The following TTC28 variants were observed in gnomAD, a reference collection of about 807,000 sequenced individuals.
The protein encoded by TTC28 is tetratricopeptide repeat domain 28, also known as tetratricopeptide repeat protein 28.
Under a neutral mutation model 198.0 loss-of-function variants are expected in TTC28, and 61 were observed. That is an observed-to-expected ratio of 0.31 (90% confidence interval 0.25 to 0.38). The LOEUF is 0.38. Among genes scored for constraint, TTC28 ranks in the 10% least tolerant of loss-of-function variants. The probability of loss-of-function intolerance (pLI) is 1.00; values close to 1 mark genes in which losing one functional copy is unlikely to be tolerated. For synonymous variants in TTC28, 1,171 were observed against 1,297.8 expected, an observed-to-expected ratio of 0.90 and a Z score of 2.10; for missense variants, 2,678 against 3,164.0, an observed-to-expected ratio of 0.85 and a Z score of 3.69.
intron 2 of TTC28, among the ~76,000 whole-genome samples, chr22:28,525,636 A>G (rs571768589): frequency 8.4e-4 from 128 of 152,218 alleles, no homozygotes; most frequent in Non-Finnish European, 1.5e-3. Context: ...CTGGTTATCT[A>G]TACTCCATGA....
intron 13 of TTC28, among the ~76,000 whole-genome samples, chr22:28,029,940 G>C (rs1031364266): frequency 6.6e-6 from 1 of 152,244 alleles, no homozygotes; most frequent in Non-Finnish European, 1.5e-5. Flanking sequence ...AGTCAGCTCT[G>C]AGGCTATGTG....
intron 5 of TTC28, among the ~76,000 whole-genome samples, chr22:28,282,442 CT>C (rs1419075497): frequency 6.6e-6 from 1 of 152,170 alleles, no homozygotes; most frequent in African/African-American, 2.4e-5. Flanking sequence ...AAAAAATTTC[CT>C]GTGCTGTCGA....
intron 5 of TTC28, among the ~76,000 whole-genome samples, chr22:28,204,369 T>C (rs1315212862): frequency 3.9e-5 from 6 of 152,170 alleles, no homozygotes; most frequent in Admixed American, 3.9e-4. Context: ...TATCTCTGTC[T>C]AAACGGTAAT....
intron 5 of TTC28, among the ~76,000 whole-genome samples, chr22:28,179,171 T>G (rs1016280972): frequency 2.0e-5 from 3 of 151,718 alleles, no homozygotes; most frequent in Admixed American, 2.0e-4. Context: ...TTTTGTTTTT[T>G]TTTTTTTGAC....
intron 14 of TTC28, among the ~76,000 whole-genome samples, chr22:28,003,870 T>C (rs1937815466): frequency 6.6e-6 from 1 of 152,198 alleles, no homozygotes; most frequent in African/African-American, 2.4e-5. Flanking sequence ...TGTGGCCCTA[T>C]TGTCAGAAGT....
At chr22:28,172,423 G>GAT (rs1922769566) in intron 5 of TTC28, among the ~76,000 whole-genome samples, 1 of 152,174 alleles carries the variant, frequency 6.6e-6, no homozygotes, top group Non-Finnish European at 1.5e-5. Flanking sequence ...GCATAGGATG[G>GAT]ATTTATAAGT....
chr22:28,136,976 A>G (rs900924869), intron 6 of TTC28, among the ~76,000 whole-genome samples: 2 of 152,212 alleles, frequency 1.3e-5, no homozygotes, highest in African/African-American at 4.8e-5. Context: ...GAAAACAAGT[A>G]TAAAACTACT....
At chr22:28,217,490 G>A (rs1281868584) in intron 5 of TTC28, among the ~76,000 whole-genome samples, 1 of 152,160 alleles carries the variant, frequency 6.6e-6, no homozygotes. Context: ...CTAATATCAG[G>A]AAATTTATTT....
intron 12 of TTC28, among the ~76,000 whole-genome samples, chr22:28,063,408 A>C (rs757229140): frequency 6.6e-6 from 1 of 152,208 alleles, no homozygotes; most frequent in Admixed American, 6.5e-5. Flanking sequence ...TAAAAGCCAT[A>C]AGAATGGTAA....
At chr22:28,325,459 AAC>A (rs1676892085) in intron 2 of TTC28, among the ~76,000 whole-genome samples, 2 of 152,154 alleles carry the variant, frequency 1.3e-5, no homozygotes, top group Non-Finnish European at 2.9e-5. Context: ...TTAACACTGA[AAC>A]ACAGTCCATA....
intron 1 of TTC28, among the ~76,000 whole-genome samples, chr22:28,640,581 A>ATAG (rs1039087990): frequency 6.6e-6 from 1 of 150,966 alleles, no homozygotes; most frequent in Non-Finnish European, 1.5e-5. Context: ...AATAATAATA[A>ATAG]TAATAATAAT....
chr22:28,511,934 C>T (rs969270256), intron 2 of TTC28, among the ~76,000 whole-genome samples: 1 of 151,594 alleles, frequency 6.6e-6, no homozygotes, highest in African/African-American at 2.4e-5. Context: ...ACACCAAAAG[C>T]AATTCCAAGT....
intron 2 of TTC28, among the ~76,000 whole-genome samples, chr22:28,513,135 A>G (rs1467919972): frequency 6.6e-6 from 1 of 152,038 alleles, no homozygotes; most frequent in Non-Finnish European, 1.5e-5. Flanking sequence ...AGCATGAGCC[A>G]CCATGCCTGG....
Position 27,981,358 on chromosome 22 carries a change from C to G in TTC28, c.*863G>C, listed in dbSNP as rs1040673954. The G allele has an allele frequency of 2.9e-5, 4 of 138,756 alleles. No individual in the cohort carries two copies. The East Asian group carries it at 9.3e-4, about 32-fold the overall frequency. 8.6% of individuals were successfully genotyped at this position (138,756 alleles called of 1,614,324 possible). ...ATTCAAAATTTGACATTTTAAAAAA[C>G]TTTTTGAGCTTTTAAAAATAATAGC... On this transcript the variant is annotated 3_prime_UTR_variant, in exon 23 of 23. Transcript: ENST00000397906.
In TTC28 at chr22:28,020,934, C is replaced by T. The variant is rs116489117; in HGVS notation, c.4074-6542G>A. Among the ~76,000 whole-genome samples, 1,468 of 152,222 alleles carry T rather than the reference C, an allele frequency of 9.6e-3. 26 individuals are homozygous for T. The highest frequency in any genetic ancestry group is 0.032 in the African/African-American group (1,325 of 41,540). On this transcript the variant is annotated intron_variant, in intron 13 of 22. Coordinates refer to ENST00000397906, the MANE Select transcript of TTC28 (RefSeq NM_001145418.2). ...GACAGACCTCCCTGTGGAGTCTGCC[C>T]GCCCTGCCTTCTGCGAGGCAGGCTC...
chr22:28,447,017 G>A (rs974376711), intron 2 of TTC28, among the ~76,000 whole-genome samples: 1 of 152,162 alleles, frequency 6.6e-6, no homozygotes, highest in Non-Finnish European at 1.5e-5. Context: ...GAAGTTCAGA[G>A]TACCTAAGTA....
At chr22:28,386,919 T>C (rs1333581739) in intron 2 of TTC28, among the ~76,000 whole-genome samples, 1 of 152,170 alleles carries the variant, frequency 6.6e-6, no homozygotes, top group African/African-American at 2.4e-5. Flanking sequence ...TGCATACATG[T>C]GCCATGCTGG....
At chr22:28,282,155 C>T (rs2044595934) in intron 5 of TTC28, among the ~76,000 whole-genome samples, 1 of 152,178 alleles carries the variant, frequency 6.6e-6, no homozygotes, top group Non-Finnish European at 1.5e-5. Context: ...TGGTTATTCT[C>T]TAGTACCCTC....
intron 6 of TTC28, among the ~76,000 whole-genome samples, chr22:28,158,030 C>T (rs562043082): frequency 6.7e-6 from 1 of 149,880 alleles, no homozygotes; most frequent in East Asian, 1.9e-4. Context: ...AAGACTCCAT[C>T]AAAAAAAAAC....
Sources: gnomAD v4.1 joint callset for allele counts (sites outside exome capture counted in the v4.1 genomes callset) on GRCh38, gnomAD v4.1.1 for gene constraint, MANE v1.5 for transcripts, NCBI Gene and HGNC (gene_info 2026-07-23, HGNC 2026-07-21) for gene names.